LIPI: variants seen among roughly 807,000 people sequenced by gnomAD.
LIPI encodes the protein lipase member I.
LIPI carries 59 observed loss-of-function variants against 50.6 expected under a neutral mutation model. That is an observed-to-expected ratio of 1.16 (90% confidence interval 0.94 to 1.45). LIPI has a LOEUF of 1.45. Among genes scored for constraint, LIPI ranks in the 40% most tolerant of loss-of-function variants. LIPI has a pLI of 0.00. For synonymous variants in LIPI, 203 were observed against 178.2 expected (o/e 1.14, Z -1.11); for missense variants, 586 against 536.3 (o/e 1.09, Z -0.92).
At chr21:14,192,847 T>C (rs182705699) in intron 1 of LIPI, among the ~76,000 whole-genome samples, 175 of 152,310 alleles carry the variant, frequency 1.1e-3, no homozygotes, top group African/African-American at 4.0e-3. Context: ...CCACTCTACA[T>C]GAAATGTTAA....
intron 1 of LIPI, among the ~76,000 whole-genome samples, chr21:14,201,130 A>T (rs1210590468): frequency 6.6e-6 from 1 of 152,152 alleles, no homozygotes; most frequent in Non-Finnish European, 1.5e-5. Context: ...TAAAAACATA[A>T]AATGTAAAAC....
chr21:14,126,178 C>T (rs1216690157), intron 9 of LIPI, among the ~76,000 whole-genome samples: 2 of 152,044 alleles, frequency 1.3e-5, no homozygotes, highest in African/African-American at 4.8e-5. Context: ...ACCATATGAC[C>T]CAGATATTCC....
At chr21:14,110,851 CTCTATCTA>C (rs75628106) in intron 9 of LIPI, among the ~76,000 whole-genome samples, 1 of 150,144 alleles carries the variant, frequency 6.7e-6, no homozygotes, top group Non-Finnish European at 1.5e-5. Context: ...ATTTATAGAT[CTCTATCTA>C]TCTATCATCT....
At chr21:14,201,754 C>A in intron 1 of LIPI, among the ~76,000 whole-genome samples, 1 of 152,152 alleles carries the variant, frequency 6.6e-6, no homozygotes, top group Non-Finnish European at 1.5e-5. Context: ...AAACTGGAAG[C>A]ATTCCCTTTG....
chr21:14,210,506 TTGAG>T (rs138344771), intron 1 of LIPI, among the ~76,000 whole-genome samples: 8,722 of 152,116 alleles, frequency 0.057, 813 homozygotes, highest in African/African-American at 0.2. Flanking sequence ...TTTTTTTCTC[TTGAG>T]TATTTCTATT....
intron 4 of LIPI, among the ~76,000 whole-genome samples, chr21:14,177,591 C>T (rs2019139325): frequency 6.6e-6 from 1 of 151,954 alleles, no homozygotes; most frequent in African/African-American, 2.4e-5. Flanking sequence ...GCTAGATACC[C>T]TAAAGATTCA....
At chr21:14,203,138 T>C (rs565300278) in intron 1 of LIPI, among the ~76,000 whole-genome samples, 97 of 152,174 alleles carry the variant, frequency 6.4e-4, no homozygotes, top group African/African-American at 2.1e-3. Context: ...AATGAGATAC[T>C]ATCTCACACC....
intron 4 of LIPI, among the ~76,000 whole-genome samples, chr21:14,175,809 T>C (rs1163347297): frequency 6.6e-6 from 1 of 152,192 alleles, no homozygotes; most frequent in African/African-American, 2.4e-5. Context: ...TGTTCTGTTT[T>C]TTCTCTCCAA....
At chr21:14,196,769 T>C (rs1341562954) in intron 1 of LIPI, among the ~76,000 whole-genome samples, 1 of 152,180 alleles carries the variant, frequency 6.6e-6, no homozygotes. Context: ...AAGGCTGCAG[T>C]GAGCCATGGT....
At chr21:14,170,392 C>A (rs1358918353) in intron 4 of LIPI, among the ~76,000 whole-genome samples, 1 of 152,030 alleles carries the variant, frequency 6.6e-6, no homozygotes, top group Admixed American at 6.6e-5. Flanking sequence ...GATACCAAAG[C>A]CTGGCAGAGA....
At chr21:14,115,902 C>T (rs995241277) in intron 9 of LIPI, among the ~76,000 whole-genome samples, 3 of 152,024 alleles carry the variant, frequency 2.0e-5, no homozygotes, top group African/African-American at 7.2e-5. Context: ...AACCTCGTGT[C>T]CCCACTCACA....
At chr21:14,198,127 A>T (rs1483056890) in intron 1 of LIPI, among the ~76,000 whole-genome samples, 1 of 152,174 alleles carries the variant, frequency 6.6e-6, no homozygotes, top group Non-Finnish European at 1.5e-5. Flanking sequence ...AAAGCACTAG[A>T]TATGGAAAGG....
In LIPI at chr21:14,161,778, A is replaced by ATATAATATATACATTATTATATATTAATG. The variant is rs1568858627; in HGVS notation, c.1006+1612_1006+1640dup. On this transcript the variant is annotated intron_variant, in intron 7 of 9. Coordinates refer to ENST00000681601, the MANE Select transcript of LIPI (RefSeq NM_001302998.2). ...AATATATACATTATTATATATTAAT[A>ATATAATATATACATTATTATATATTAATG]TATAATATATACATTATTATATATT... Among the ~76,000 whole-genome samples, 157 of 18,954 alleles carry ATATAATATATACATTATTATATATTAATG rather than the reference A, an allele frequency of 8.3e-3. 13 individuals are homozygous for ATATAATATATACATTATTATATATTAATG. Among genetic ancestry groups the ATATAATATATACATTATTATATATTAATG allele is most frequent in the Non-Finnish European group, 0.011 (150 of 13,342 alleles). 12.4% of individuals were successfully genotyped at this position (18,954 alleles called of 152,430 possible).
At chr21:14,195,739 G>C (rs1323898056) in intron 1 of LIPI, among the ~76,000 whole-genome samples, 1 of 152,030 alleles carries the variant, frequency 6.6e-6, no homozygotes, top group Non-Finnish European at 1.5e-5. Flanking sequence ...CTTGTATCTA[G>C]ACTAACATGT....
chr21:14,156,503 A>G (rs1208656685), intron 7 of LIPI, among the ~76,000 whole-genome samples: 1 of 151,938 alleles, frequency 6.6e-6, no homozygotes, highest in East Asian at 1.9e-4. Context: ...AAAGGAATGC[A>G]CCTGCTAACA....
At position 14,166,375 on chromosome 21, in the gene LIPI, T is replaced by C; in HGVS notation, c.720A>G (p.Lys240=). The change falls in exon 5 of 10, where the codon AAA becomes AAG. Residue 240 remains lysine, a synonymous_variant. Coordinates refer to ENST00000681601, the MANE Select transcript of LIPI (RefSeq NM_001302998.2). ...NGGNKQPGCP[K]SIFSGIQFIK... ...CTGTCAGTATACCTGAGAAAATTGATTTAGGACAGCCAGGTTGTTTATTTC... is the reference window on the plus strand; with the variant it reads ...CTGTCAGTATACCTGAGAAAATTGACTTAGGACAGCCAGGTTGTTTATTTC... 2 of 1,584,184 alleles carry C rather than the reference T, an allele frequency of 1.3e-6. No homozygotes were observed. Among genetic ancestry groups the C allele is most frequent in the Non-Finnish European group, 1.7e-6 (2 of 1,152,766 alleles).
chr21:14,130,383 C>A lies in LIPI; in HGVS notation c.1295+14240G>T, dbSNP rs76345006. On this transcript the variant is annotated intron_variant, in intron 9 of 9. Transcript: ENST00000681601. ...AAAAGTGAAATGTGAAAGATTTTAG[C>A]ATCTGTGCCCTGCCCTTGGACCAAG... is the stretch of plus-strand genomic sequence containing the variant. Among the ~76,000 whole-genome samples the A allele has an allele frequency of 7.7e-3, 1,174 of 152,246 alleles. 19 individuals carry two copies. The highest frequency in any genetic ancestry group is 0.026 in the African/African-American group (1,064 of 41,544).
rs1278164167 is a variant in LIPI, at chr21:14,109,641, T to C, written c.1296-561A>G. On this transcript the variant is annotated intron_variant, in intron 9 of 9. Transcript: ENST00000681601. ...AAAATAGTAAGACAAGTGTGTTTTC[T>C]TTTTTCTGCAATAGACTAAAAGCTC... 2.0e-5 allele frequency among the ~76,000 whole-genome samples: 3 copies of C among 152,216 alleles called. No individual in the cohort carries two copies. The East Asian group carries it at 5.8e-4, about 29-fold the overall frequency.
intron 9 of LIPI, among the ~76,000 whole-genome samples, chr21:14,138,061 A>C (rs1247681524): frequency 1.3e-5 from 2 of 152,162 alleles, no homozygotes; most frequent in Non-Finnish European, 2.9e-5. Flanking sequence ...GAAAAACAAA[A>C]GCTGAGGGAT....
Sources: gnomAD v4.1 joint callset for allele counts (sites outside exome capture counted in the v4.1 genomes callset) on GRCh38, gnomAD v4.1.1 for gene constraint, MANE v1.5 for transcripts, NCBI Gene and HGNC (gene_info 2026-07-23, HGNC 2026-07-21) for gene names.